DNAJB11: variants seen among roughly 807,000 people sequenced by gnomAD.
The protein encoded by DNAJB11 is DnaJ heat shock protein family (Hsp40) member B11.
DNAJB11 carries 30 observed loss-of-function variants against 47.2 expected under a neutral mutation model. The observed-to-expected ratio is 0.64, with a 90% CI of 0.48 to 0.86. The LOEUF is 0.86. DNAJB11 is among the 40% of genes least tolerant of loss of function. The pLI is 0.00. For synonymous variants in DNAJB11, 151 were observed against 159.9 expected (o/e 0.94, Z 0.42); for missense variants, 357 against 440.2 (o/e 0.81, Z 1.69).
intron 2 of DNAJB11, among the ~76,000 whole-genome samples, chr3:186,575,358 C>CGCGTGCGT (rs770234440): frequency 3.7e-4 from 28 of 76,350 alleles, no homozygotes; most frequent in African/African-American, 1.5e-3. Context: ...AATACATGCG[C>CGCGTGCGT]GCGCGCGCGC....
At chr3:186,580,383 T>G (rs919044417) in intron 4 of DNAJB11, 3 of 152,226 alleles carry the variant, frequency 2.0e-5, no homozygotes, top group Non-Finnish European at 2.9e-5. Context: ...GAGCATGGAC[T>G]TTGCAGCTAG....
chr3:186,577,064 G>A (rs1335515033), intron 3 of DNAJB11, among the ~76,000 whole-genome samples: 1 of 152,092 alleles, frequency 6.6e-6, no homozygotes, highest in African/African-American at 2.4e-5. Flanking sequence ...ATTAGTTTGG[G>A]TCTTATAGAG....
rs368298566 is a variant in DNAJB11 at position 186,572,356 on chromosome 3, TTTA to T, written c.225+108_225+110del. ...CAGCTCACATTTATTTATTTATTTATTTATTTTGAGACTGAGTCTCTATTGCCT... is the reference window on the plus strand; with the variant it reads ...CAGCTCACATTTATTTATTTATTTATTTTTGAGACTGAGTCTCTATTGCCT... On this transcript the variant is annotated intron_variant, in intron 2 of 9. Transcript: ENST00000265028. The T allele has an allele frequency of 0.2, 230,679 of 1,167,706 alleles. 26,812 individuals carry two copies. The highest frequency in any genetic ancestry group is 0.48 in the African/African-American group (30,824 of 64,302). The allele number at this position is 1,167,706 out of a possible 1,614,324, so 72.3% of individuals were successfully genotyped here. A position where few individuals can be genotyped will look rare whatever the true frequency, so the allele number is the denominator to read the frequency against.
chr3:186,584,094 C>T (rs1578996563), intron 8 of DNAJB11, 118 bp downstream of exon 8: 2 of 760,804 alleles, frequency 2.6e-6, no homozygotes, highest in East Asian at 5.3e-5. Flanking sequence ...TGGTCGTATT[C>T]TGCCGTCTGT....
chr3:186,576,896 G>T (rs1715318352), intron 3 of DNAJB11, among the ~76,000 whole-genome samples: 1 of 152,124 alleles, frequency 6.6e-6, no homozygotes, highest in African/African-American at 2.4e-5. Flanking sequence ...ATTCACCTGA[G>T]TTGGTTGGTG....
rs1715500681 is a variant in DNAJB11, at chr3:186,581,963, T to C, written c.600-32T>C. The stretch of plus-strand genomic sequence containing the variant: ...TGATGTTTTGTTTATATTTTCATTA[T>C]TTTTCTCCTCTTTTAATTCTCTTTA... On this transcript the variant is annotated intron_variant, in intron 5 of 9. Transcript: ENST00000265028. The C allele has an allele frequency of 1.9e-6, 3 of 1,540,636 alleles. No individual in the cohort carries two copies. The South Asian group carries it at 3.5e-5, about 18-fold the overall frequency.
At chr3:186,581,974 T>G in intron 5 of DNAJB11, 21 bp from the exon 6 acceptor site, 12 of 1,591,234 alleles carry the variant, frequency 7.5e-6, no homozygotes, top group Non-Finnish European at 1.0e-5. Context: ...TTTTCTCCTC[T>G]TTTAATTCTC....
At chr3:186,584,106 C>T in intron 8 of DNAJB11, 130 bp downstream of exon 8, 1 of 706,792 alleles carries the variant, frequency 1.4e-6, no homozygotes, top group Middle Eastern at 2.4e-4. Flanking sequence ...GCCGTCTGTA[C>T]TTACTCTGCT....
rs893828243 is a variant in DNAJB11 at position 186,585,426 on chromosome 3, C to G, written c.*18C>G. 5.7e-6 allele frequency: 9 copies of G among 1,585,338 alleles called. No homozygotes were observed. Among genetic ancestry groups the G allele is most frequent in the Non-Finnish European group, 6.9e-6 (8 of 1,161,754 alleles). ...GATATTGAGAGTGAATAAAATTGGA[C>G]TTTGTTTAAAATAAGTGAATAAGCG... On this transcript the variant is annotated 3_prime_UTR_variant, in exon 10 of 10. Transcript: ENST00000265028.
chr3:186,577,671 C>G lies in DNAJB11; in HGVS notation c.327C>G (p.Phe109Leu). ...ATGATTTTGCACTTATCTTTAGCTT[C>G]TTTGGGGATTTTGGTTTCATGTTTG... is the stretch of plus-strand genomic sequence containing the variant. ...QSSHGDIFSH[F>L]FGDFGFMFGG... The change falls in exon 4 of 10, where the codon TTC (phenylalanine) becomes TTG (leucine). Residue 109 changes from phenylalanine (F) to leucine (L), a missense_variant. Phe to Leu is a conservative substitution (Grantham distance 22). Coordinates refer to ENST00000265028, the MANE Select transcript of DNAJB11 (RefSeq NM_016306.6). The G allele has an allele frequency of 6.5e-7, 1 of 1,531,928 alleles. No homozygotes were observed. Among genetic ancestry groups the G allele is most frequent in the Non-Finnish European group, 8.8e-7 (1 of 1,140,748 alleles). 94.9% of individuals were successfully genotyped at this position (1,531,928 alleles called of 1,614,324 possible). A position where few individuals can be genotyped will look rare whatever the true frequency, so the allele number is the denominator to read the frequency against.
chr3:186,583,093 G>A (rs1052268952), intron 7 of DNAJB11, among the ~76,000 whole-genome samples: 7 of 152,294 alleles, frequency 4.6e-5, no homozygotes, highest in Admixed American at 3.3e-4. Context: ...ACAAGAATAG[G>A]AGACTTTTCC....
Position 186,581,398 on chromosome 3 carries a change from C to T in DNAJB11, c.484C>T (p.Gln162Ter). ...EVVRNKPVAR[Q>*]APGKRKCNCR... ...AGTTAGAAACAAACCTGTGGCAAGG[C>T]AGGCTCCTGGCAAACGGAAGTGCAA... Residue 162 changes from glutamine (Q) to a stop codon, truncating the protein, a stop_gained, in exon 5 of 10, where the codon CAG (glutamine) becomes TAG (stop). Coordinates refer to ENST00000265028, the MANE Select transcript of DNAJB11 (RefSeq NM_016306.6). LOFTEE classifies it high-confidence loss of function. The T allele has an allele frequency of 6.2e-7, 1 of 1,613,894 alleles. No homozygotes were observed. The highest frequency in any genetic ancestry group is 8.5e-7 in the Non-Finnish European group (1 of 1,179,970).
At position 186,584,416 on chromosome 3, in the gene DNAJB11, C is replaced by T. The variant is rs753582638; in HGVS notation, c.853-14C>T. 3 of 1,536,974 alleles carry T rather than the reference C, an allele frequency of 2.0e-6. No homozygotes were observed. The highest frequency in any genetic ancestry group is 1.7e-6 in the Non-Finnish European group (2 of 1,149,274). ...TACCGCTCCTGCTGCAGTACATTCCCTTTGGTTTTCTAGGTACATATTTCC... is the reference window on the plus strand; with the variant it reads ...TACCGCTCCTGCTGCAGTACATTCCTTTTGGTTTTCTAGGTACATATTTCC... On this transcript the variant is annotated splice_polypyrimidine_tract_variant and intron_variant, in intron 8 of 9. Transcript: ENST00000265028.
Position 186,582,740 on chromosome 3 carries a change from C to T in DNAJB11, c.707C>T (p.Pro236Leu). 1.9e-6 allele frequency: 3 copies of T among 1,591,254 alleles called. No homozygotes were observed. The highest frequency in any genetic ancestry group is 2.3e-5 in the East Asian group (1 of 44,440). ...GGTGAGCCTCACGTGGATGGGGAGC[C>T]TGGAGATTTACGGTTCCGAATCAAA... is the stretch of plus-strand genomic sequence containing the variant. ...GEGEPHVDGEPGDLRFRIKVV... is the reference protein window; with the variant it reads ...GEGEPHVDGELGDLRFRIKVV... Residue 236 changes from proline (P) to leucine (L), a missense_variant, in exon 7 of 10, where the codon CCT (proline) becomes CTT (leucine). By Grantham distance (98) the Pro-to-Leu change is moderately conservative. Coordinates refer to ENST00000265028, the MANE Select transcript of DNAJB11 (RefSeq NM_016306.6).
rs1353392638 is a variant in DNAJB11, at chr3:186,572,201, G to A, written c.175G>A (p.Asp59Asn). ...GCAGCTTCATCCCGACCGGAACCCT[G>A]ATGATCCACAAGCCCAGGAGAAATT... ...ALQLHPDRNP[D>N]DPQAQEKFQD... The change falls in exon 2 of 10, where the codon GAT becomes AAT. Residue 59 changes from aspartate to asparagine, a missense_variant. Transcript: ENST00000265028. The A allele has an allele frequency of 6.2e-6, 10 of 1,613,852 alleles. No individual in the cohort carries two copies. The South Asian group carries it at 1.1e-4, about 18-fold the overall frequency.
chr3:186,570,999 G>T, intron 1 of DNAJB11, 34 bp downstream of exon 1: 2 of 1,492,436 alleles, frequency 1.3e-6, no homozygotes, highest in Non-Finnish European at 1.8e-6. Flanking sequence ...AACGGGGCCT[G>T]TGGGTCAGCC....
chr3:186,575,368 C>CGCGCGTGCGCGCGCGCGT (rs1406330956), intron 2 of DNAJB11, among the ~76,000 whole-genome samples: 5 of 143,358 alleles, frequency 3.5e-5, no homozygotes, highest in African/African-American at 1.3e-4. Flanking sequence ...CGCGCGCGCG[C>CGCGCGTGCGCGCGCGCGT]GTGTGTGTGT....
At position 186,584,401 on chromosome 3, in the gene DNAJB11, G is replaced by C. The variant is rs367802559; in HGVS notation, c.853-29G>C. ...GATGTACTTCAGATGTACCGCTCCTGCTGCAGTACATTCCCTTTGGTTTTC... is the reference window on the plus strand; with the variant it reads ...GATGTACTTCAGATGTACCGCTCCTCCTGCAGTACATTCCCTTTGGTTTTC... On this transcript the variant is annotated intron_variant, in intron 8 of 9. Transcript: ENST00000265028. The C allele has an allele frequency of 6.6e-6, 10 of 1,517,116 alleles. No individual in the cohort carries two copies. In the African/African-American group the frequency reaches 1.3e-4, roughly 19 times the overall value. The allele number at this position is 1,517,116 out of a possible 1,614,324, so 94.0% of individuals were successfully genotyped here.
At chr3:186,581,883 A>G (rs1047496580) in intron 5 of DNAJB11, 112 bp from the exon 6 acceptor site, 1 of 857,146 alleles carries the variant, frequency 1.2e-6, no homozygotes, top group Non-Finnish European at 1.8e-6. Flanking sequence ...GTAGAGGCAC[A>G]CTACAGTCTT....
Sources: gnomAD v4.1 joint callset for allele counts (sites outside exome capture counted in the v4.1 genomes callset) on GRCh38, gnomAD v4.1.1 for gene constraint, MANE v1.5 for transcripts, NCBI Gene and HGNC (gene_info 2026-07-23, HGNC 2026-07-21) for gene names.